Variants in DAB1 observed in about 807,000 individuals in gnomAD.
DAB1 encodes the protein DAB adaptor protein 1.
In DAB1, 15 loss-of-function variants were observed where a neutral mutation model predicts 64.6. The observed-to-expected ratio is 0.23, with a 90% CI of 0.16 to 0.36. DAB1 has a LOEUF of 0.36. DAB1 is among the 10% of genes least tolerant of loss of function. The pLI, the probability that DAB1 is intolerant of heterozygous loss-of-function variation, is 1.00. For missense variants in DAB1, 596 were observed against 706.7 expected (o/e 0.84, Z 1.78); for synonymous variants, 235 against 251.9 (o/e 0.93, Z 0.64).
At chr1:58,415,570 T>C (rs1644711741) in intron 3 of DAB1, 2 of 165,966 alleles carry the variant, frequency 1.2e-5, no homozygotes, top group Admixed American at 1.3e-4. Flanking sequence ...CAGAAGTTTA[T>C]TTATTTCGAA....
intron 6 of DAB1, among the ~76,000 whole-genome samples, chr1:57,731,044 A>G (rs1647390690): frequency 6.6e-6 from 1 of 152,264 alleles, no homozygotes; most frequent in Non-Finnish European, 1.5e-5. Context: ...CATTATGCAC[A>G]GGAACTAAAA....
intron 5 of DAB1, among the ~76,000 whole-genome samples, chr1:57,967,385 C>T (rs550067379): frequency 7.9e-5 from 12 of 152,288 alleles, no homozygotes; most frequent in African/African-American, 2.9e-4. Context: ...ACTGTACTTG[C>T]TACCCACTAT....
chr1:57,563,547 A>G (rs1645078268), intron 7 of DAB1, among the ~76,000 whole-genome samples: 1 of 152,120 alleles, frequency 6.6e-6, no homozygotes, highest in Middle Eastern at 3.2e-3. Context: ...TAGCCAAGGG[A>G]AGCTGTGACA....
At chr1:58,325,389 G>A (rs577183063) in intron 4 of DAB1, among the ~76,000 whole-genome samples, 26 of 152,148 alleles carry the variant, frequency 1.7e-4, no homozygotes, top group Middle Eastern at 3.4e-3. Context: ...GCATAACCTT[G>A]AATGAACCTC....
intron 1 of DAB1, chr1:58,541,570 T>C (rs1646615860): frequency 7.7e-6 from 1 of 129,454 alleles, no homozygotes; most frequent in African/African-American, 3.0e-5. Context: ...TGAGCCAAAA[T>C]TGTGCCACTA....
At chr1:57,276,543 A>C (rs559735857) in intron 2 of DAB1, among the ~76,000 whole-genome samples, 4 of 152,330 alleles carry the variant, frequency 2.6e-5, no homozygotes, top group African/African-American at 9.6e-5. Flanking sequence ...TTGTAATGTG[A>C]GGTAGCTTTT....
chr1:58,139,267 G>A lies in DAB1; in HGVS notation n.387+11244C>T, dbSNP rs534140977. 6.6e-5 allele frequency among the ~76,000 whole-genome samples: 10 copies of A among 152,186 alleles called. No homozygotes were observed. In the South Asian group the frequency reaches 8.3e-4, roughly 13 times the overall value. The stretch of plus-strand genomic sequence containing the variant: ...CCAATGTGATCAAAATACATTATTG[G>A]TTCTGCCACCCATGATGTTTACTGT... On this transcript the variant is annotated intron_variant and non_coding_transcript_variant, in intron 5 of 20. Coordinates refer to the DAB1 transcript ENST00000485760.
chr1:57,451,030 A>G (rs538571760), intron 7 of DAB1, among the ~76,000 whole-genome samples: 20 of 152,350 alleles, frequency 1.3e-4, no homozygotes, highest in African/African-American at 4.6e-4. Flanking sequence ...CTTTCGTATC[A>G]GCCAGATTTA....
At chr1:58,376,460 T>C (rs1190366384) in intron 3 of DAB1, among the ~76,000 whole-genome samples, 1 of 138,536 alleles carries the variant, frequency 7.2e-6, no homozygotes, top group Non-Finnish European at 1.6e-5. Flanking sequence ...CAGGAGCAGG[T>C]TGTTCAGTTT....
At chr1:57,006,342 C>A (rs1294109012) in intron 14 of DAB1, among the ~76,000 whole-genome samples, 1 of 152,176 alleles carries the variant, frequency 6.6e-6, no homozygotes. Flanking sequence ...GTAAACTTGT[C>A]TTCTTTCTGC....
intron 4 of DAB1, among the ~76,000 whole-genome samples, chr1:58,205,415 T>G (rs535071889): frequency 1.7e-4 from 26 of 152,324 alleles, no homozygotes; most frequent in African/African-American, 6.3e-4. Context: ...AGTGTTCCTC[T>G]GCAAGAATGT....
intron 1 of DAB1, among the ~76,000 whole-genome samples, chr1:57,358,889 G>A (rs1333827903): frequency 6.6e-6 from 1 of 151,958 alleles, no homozygotes; most frequent in African/African-American, 2.4e-5. Context: ...AATAAATGGT[G>A]TTGGGAAAAC....
chr1:58,105,077 A>G (rs1651552831), intron 5 of DAB1, among the ~76,000 whole-genome samples: 1 of 152,146 alleles, frequency 6.6e-6, no homozygotes, highest in South Asian at 2.1e-4. Flanking sequence ...AAGTCTTGTG[A>G]TTTGCGACCA....
chr1:57,059,415 T>C (rs1173138402), intron 9 of DAB1, among the ~76,000 whole-genome samples: 1 of 152,140 alleles, frequency 6.6e-6, no homozygotes, highest in East Asian at 1.9e-4. Flanking sequence ...TTTCTCTTCT[T>C]ATGGGAAATT....
intron 7 of DAB1, among the ~76,000 whole-genome samples, chr1:57,581,737 A>T (rs1645315157): frequency 1.3e-5 from 2 of 148,878 alleles, no homozygotes; most frequent in African/African-American, 4.9e-5. Context: ...AATATATATT[A>T]TATGTGTTAG....
intron 5 of DAB1, among the ~76,000 whole-genome samples, chr1:57,903,845 G>A (rs1644511406): frequency 6.6e-6 from 1 of 152,186 alleles, no homozygotes; most frequent in Admixed American, 6.5e-5. Flanking sequence ...ACGGGGAGGA[G>A]AATTTATCTT....
chr1:58,512,871 T>C (rs1420910786), intron 2 of DAB1, among the ~76,000 whole-genome samples: 3 of 152,086 alleles, frequency 2.0e-5, no homozygotes, highest in Admixed American at 2.0e-4. Context: ...AAATTATAAA[T>C]TTAAGAGGGT....
At chr1:57,598,995 AC>A (rs1645544290) in intron 7 of DAB1, among the ~76,000 whole-genome samples, 1 of 151,226 alleles carries the variant, frequency 6.6e-6, no homozygotes, top group Non-Finnish European at 1.5e-5. Flanking sequence ...TATTAACACA[AC>A]CTTAAGCCTT....
chr1:57,676,458 C>T (rs193018537), intron 6 of DAB1, among the ~76,000 whole-genome samples: 3 of 152,260 alleles, frequency 2.0e-5, no homozygotes, highest in Admixed American at 2.0e-4. Context: ...CTCTTATATA[C>T]CAAGGCATGC....
Sources: allele counts gnomAD v4.1 joint callset (sites outside exome capture counted in the v4.1 genomes callset), GRCh38; gene constraint gnomAD v4.1.1; transcripts MANE v1.5; gene names NCBI Gene and HGNC (gene_info 2026-07-23, HGNC 2026-07-21).